MPI: variants seen among roughly 807,000 people sequenced by gnomAD.
The protein encoded by MPI is mannose-6-phosphate isomerase.
A neutral mutation model predicts 40.1 loss-of-function variants in MPI; 33 were observed. The ratio of observed to expected loss-of-function variants is 0.82; its 90% confidence interval spans 0.62 to 1.10. MPI has a LOEUF of 1.10. MPI is among the 50% of genes least tolerant of loss of function. The pLI, the probability that MPI is intolerant of heterozygous loss-of-function variation, is 0.00. For missense variants in MPI, 514 were observed against 524.1 expected, an observed-to-expected ratio of 0.98 and a Z score of 0.19; for synonymous variants, 187 against 207.4, an observed-to-expected ratio of 0.90 and a Z score of 0.85.
At position 74,897,088 on chromosome 15, in the gene MPI, C is replaced by G; in HGVS notation, c.922C>G (p.Leu308Val). The G allele has an allele frequency of 6.2e-7, 1 of 1,614,164 alleles. No homozygotes were observed. Among genetic ancestry groups the G allele is most frequent in the South Asian group, 1.1e-5 (1 of 91,084 alleles). ...LTPKFIDVPTLCEMLSYTPSS... is the reference protein window; with the variant it reads ...LTPKFIDVPTVCEMLSYTPSS... Reference sequence around the variant, plus strand: ...ACCCAAGTTCATTGATGTGCCAACCCTGTGTGAAATGCTCAGCTATACCCC... The same window carrying G: ...ACCCAAGTTCATTGATGTGCCAACCGTGTGTGAAATGCTCAGCTATACCCC... Residue 308 changes from leucine to valine, a missense_variant, in exon 7 of 8, where the codon CTG becomes GTG. Physicochemically the swap from Leu to Val is conservative, Grantham distance 32. Coordinates refer to ENST00000352410, the MANE Select transcript of MPI (RefSeq NM_002435.3).
rs1227320361 is a variant in MPI, at chr15:74,897,983, A to C, written c.*253A>C. 3.7e-6 allele frequency: 2 copies of C among 547,450 alleles called. No homozygotes were observed. The highest frequency in any genetic ancestry group is 6.7e-6 in the Non-Finnish European group (2 of 298,798). The allele number at this position is 547,450 out of a possible 1,614,324, so 33.9% of individuals were successfully genotyped here. ...GTCTTCCCTCTCTACTCCTCGCTAC[A>C]CCTGAGCCAGGCTCTTGCCAACTCT... is the stretch of plus-strand genomic sequence containing the variant. On this transcript the variant is annotated 3_prime_UTR_variant, in exon 8 of 8. Coordinates refer to ENST00000352410, the MANE Select transcript of MPI (RefSeq NM_002435.3).
At position 74,898,308 on chromosome 15, in the gene MPI, C is replaced by G. The variant is rs1211337207; in HGVS notation, c.*578C>G. 2 of 181,786 alleles carry G rather than the reference C, an allele frequency of 1.1e-5. No homozygotes were observed. The highest frequency in any genetic ancestry group is 1.1e-4 in the Admixed American group (2 of 18,750). 11.3% of individuals were successfully genotyped at this position (181,786 alleles called of 1,614,324 possible). Reference sequence around the variant, plus strand: ...AAAGAGCCCTCCCTACATGATGCCCCAGTTTTTGCTTTATTCCTATTTCAT... The same window carrying G: ...AAAGAGCCCTCCCTACATGATGCCCGAGTTTTTGCTTTATTCCTATTTCAT... On this transcript the variant is annotated 3_prime_UTR_variant, in exon 8 of 8. Coordinates refer to ENST00000352410, the MANE Select transcript of MPI (RefSeq NM_002435.3).
chr15:74,896,026 C>T lies in MPI; in HGVS notation c.671-126C>T, dbSNP rs570363256. 9 of 1,123,300 alleles carry T rather than the reference C, an allele frequency of 8.0e-6. No homozygotes were observed. The African/African-American group carries it at 1.1e-4, about 13-fold the overall frequency. The allele number at this position is 1,123,300 out of a possible 1,614,324, so 69.6% of individuals were successfully genotyped here. Reference sequence around the variant, plus strand: ...AGGGCTGGAGGCGTGGCCAGAAGGACAGGGCCACTTTGGCTTCTGGATTCC... The same window carrying T: ...AGGGCTGGAGGCGTGGCCAGAAGGATAGGGCCACTTTGGCTTCTGGATTCC... On this transcript the variant is annotated intron_variant, in intron 5 of 7. Coordinates refer to ENST00000352410, the MANE Select transcript of MPI (RefSeq NM_002435.3).
In MPI at chr15:74,893,284, C is replaced by T. The variant is rs775284878; in HGVS notation, c.634C>T (p.Gln212Ter). 1.2e-6 allele frequency: 2 copies of T among 1,614,218 alleles called. No homozygotes were observed. Among genetic ancestry groups the T allele is most frequent in the Non-Finnish European group, 1.7e-6 (2 of 1,180,038 alleles). ...GAGTGAGAAGAAGGTGGTGGTGGAA[C>T]AGCTCAACCTGTTGGTGAAGCGGAT... ...MKSEKKVVVE[Q>*]LNLLVKRISQ... The change falls in exon 5 of 8, where the codon CAG (glutamine) becomes TAG (stop). Residue 212 changes from glutamine to a stop codon, truncating the protein, a stop_gained. Transcript: ENST00000352410. LOFTEE classifies it high-confidence loss of function.
At position 74,892,675 on chromosome 15, in the gene MPI, G is replaced by A; in HGVS notation, c.360G>A (p.Lys120=). ...CCACCCCACAGGAGCTGGCAGAGAA[G>A]CTGCACCTCCAGGCTCCGCAGCACT... ...QAHPNKELAE[K]LHLQAPQHYP... is the part of the protein sequence containing the mutation. The change falls in exon 4 of 8, where the codon AAG becomes AAA. Residue 120 remains lysine (K), a synonymous_variant. Transcript: ENST00000352410. 1 of 1,614,206 alleles carries A rather than the reference G, an allele frequency of 6.2e-7. No homozygotes were observed. Among genetic ancestry groups the A allele is most frequent in the East Asian group, 2.2e-5 (1 of 44,890 alleles).
Position 74,900,869 on chromosome 15 carries a change from C to T in MPI, c.*3139C>T, listed in dbSNP as rs549477047. Reference sequence around the variant, plus strand: ...CAGCCCCCAGATACTGTATATTCCTCTCAACCTTCCATGGTTTGAGAAAAA... The same window carrying T: ...CAGCCCCCAGATACTGTATATTCCTTTCAACCTTCCATGGTTTGAGAAAAA... On this transcript the variant is annotated 3_prime_UTR_variant, in exon 8 of 8. Transcript: ENST00000352410. The T allele has an allele frequency of 1.3e-5, 2 of 152,360 alleles. No individual in the cohort carries two copies. Among genetic ancestry groups the T allele is most frequent in the Admixed American group, 1.3e-4 (2 of 15,304 alleles). 9.4% of individuals were successfully genotyped at this position (152,360 alleles called of 1,614,324 possible). A position where few individuals can be genotyped will look rare whatever the true frequency, so the allele number is the denominator to read the frequency against.
At chr15:74,896,125 G>A in intron 5 of MPI, 27 bp from the exon 6 acceptor site, 3 of 1,613,116 alleles carry the variant, frequency 1.9e-6, no homozygotes, top group Non-Finnish European at 2.5e-6. Flanking sequence ...CCCCCTAAGT[G>A]ACCTTGGGGT....
In MPI at chr15:74,891,478, T is replaced by C. The variant is rs1360638113; in HGVS notation, c.244T>C (p.Leu82=). ...SQWIAENQDS[L]GSKVKDTFNG... The stretch of plus-strand genomic sequence containing the variant: ...GTGGATTGCTGAGAACCAGGACAGC[T>C]TGGGCTCAAAGGTCAAGGACACCTT... The change falls in exon 3 of 8, where the codon TTG becomes CTG. Residue 82 remains leucine, a synonymous_variant. Transcript: ENST00000352410. The C allele has an allele frequency of 5.0e-6, 8 of 1,614,096 alleles. No homozygotes were observed. The highest frequency in any genetic ancestry group is 6.8e-6 in the Non-Finnish European group (8 of 1,180,040).
chr15:74,900,397 GGTT>G lies in MPI; in HGVS notation c.*2668_*2670del, dbSNP rs1301638570. On this transcript the variant is annotated 3_prime_UTR_variant, in exon 8 of 8. Transcript: ENST00000352410. ...TTACAACAACGATGCAGAGGGCCTT[GGTT>G]TTGGGGTCCTGCCACCCTCACCCCT... 1 of 152,228 alleles carries G rather than the reference GGTT, an allele frequency of 6.6e-6. No homozygotes were observed. Among genetic ancestry groups the G allele is most frequent in the Non-Finnish European group, 1.5e-5 (1 of 68,104 alleles). The allele number at this position is 152,228 out of a possible 1,614,324, so 9.4% of individuals were successfully genotyped here.
intron 5 of MPI, among the ~76,000 whole-genome samples, chr15:74,895,218 G>A (rs1475752087): frequency 2.1e-5 from 3 of 146,312 alleles, no homozygotes; most frequent in Non-Finnish European, 3.0e-5. Context: ...CTCGTGATCC[G>A]CCTGCCTTGG....
chr15:74,895,266 C>G (rs1463401390), intron 5 of MPI, among the ~76,000 whole-genome samples: 4 of 150,814 alleles, frequency 2.7e-5, no homozygotes. Flanking sequence ...TGAGCCACCG[C>G]GCCCAGCTGA....
chr15:74,893,700 G>A (rs114975379), intron 5 of MPI: 5,707 of 558,360 alleles, frequency 0.01, 224 homozygotes, highest in Admixed American at 0.072. Flanking sequence ...TCCTGGAAAG[G>A]ACTGATGCCT....
chr15:74,895,674 A>C (rs567936091), intron 5 of MPI: 65 of 160,134 alleles, frequency 4.1e-4, no homozygotes, highest in African/African-American at 1.0e-3. Context: ...TTGAGCTCCA[A>C]GGGCAGTGGT....
chr15:74,895,119 C>T (rs2064798156), intron 5 of MPI, among the ~76,000 whole-genome samples: 1 of 146,088 alleles, frequency 6.8e-6, no homozygotes. Context: ...GCACGTGCCA[C>T]CACACCTGGC....
rs1330521311 is a variant in MPI, at chr15:74,899,017, C to T, written c.*1287C>T. Reference sequence around the variant, plus strand: ...AACTGAAACCATTGACTGTCAACCACTTCTCTACAACATACTCAACTGTTG... The same window carrying T: ...AACTGAAACCATTGACTGTCAACCATTTCTCTACAACATACTCAACTGTTG... On this transcript the variant is annotated 3_prime_UTR_variant, in exon 8 of 8. Coordinates refer to ENST00000352410, the MANE Select transcript of MPI (RefSeq NM_002435.3). The T allele has an allele frequency of 6.6e-6, 1 of 152,270 alleles. No homozygotes were observed. The highest frequency in any genetic ancestry group is 1.5e-5 in the Non-Finnish European group (1 of 68,072). The allele number at this position is 152,270 out of a possible 1,614,324, so 9.4% of individuals were successfully genotyped here. A position where few individuals can be genotyped will look rare whatever the true frequency, so the allele number is the denominator to read the frequency against.
rs750510350 is a variant in MPI at position 74,891,404 on chromosome 15, G to T, written c.170G>T (p.Gly57Val). The T allele has an allele frequency of 2.7e-5, 44 of 1,614,044 alleles. 1 individual carries two copies. The highest frequency in any genetic ancestry group is 3.3e-5 in the Non-Finnish European group (39 of 1,180,046). Residue 57 changes from glycine (G) to valine (V), a missense_variant, in exon 3 of 8, where the codon GGG becomes GTG. Gly to Val is a moderately radical substitution (Grantham distance 109). Coordinates refer to ENST00000352410, the MANE Select transcript of MPI (RefSeq NM_002435.3). ...TTGTGGATGGGGACTCACCCCCGAGGGGATGCCAAGATCCTTGACAACCGC... is the reference window on the plus strand; with the variant it reads ...TTGTGGATGGGGACTCACCCCCGAGTGGATGCCAAGATCCTTGACAACCGC... ...AELWMGTHPR[G>V]DAKILDNRIS...
intron 3 of MPI, 36 bp from the exon 4 acceptor site, chr15:74,892,625 C>A: frequency 1.2e-6 from 2 of 1,612,986 alleles, no homozygotes; most frequent in South Asian, 1.1e-5. Context: ...ATGGCTGTAC[C>A]CTCACCATCC....
Position 74,890,172 on chromosome 15 carries a change from G to T in MPI, c.16+83G>T, listed in dbSNP as rs1389742925. The T allele has an allele frequency of 1.9e-6, 3 of 1,574,144 alleles. No individual in the cohort carries two copies. In the African/African-American group the frequency reaches 4.0e-5, roughly 21 times the overall value. ...CTCCCGGCATTATCGGCCAGGTTGA[G>T]TCCGCTCCTGGCATTCCGCGGAAAG... On this transcript the variant is annotated intron_variant, in intron 1 of 7. Transcript: ENST00000352410.
Position 74,891,498 on chromosome 15 carries a change from C to T in MPI, c.264C>T (p.Asp88=), listed in dbSNP as rs529795568. The change falls in exon 3 of 8, where the codon GAC becomes GAT. Residue 88 remains aspartate (D), a synonymous_variant. Coordinates refer to ENST00000352410, the MANE Select transcript of MPI (RefSeq NM_002435.3). ...ACAGCTTGGGCTCAAAGGTCAAGGA[C>T]ACCTTTAATGGCAACCTGCCCTTCC... is the stretch of plus-strand genomic sequence containing the variant. ...NQDSLGSKVK[D]TFNGNLPFLF... 2 of 1,614,112 alleles carry T rather than the reference C, an allele frequency of 1.2e-6. No individual in the cohort carries two copies. The highest frequency in any genetic ancestry group is 1.1e-5 in the South Asian group (1 of 91,090).
Sources: allele counts gnomAD v4.1 joint callset (sites outside exome capture counted in the v4.1 genomes callset), GRCh38; gene constraint gnomAD v4.1.1; transcripts MANE v1.5; gene names NCBI Gene and HGNC (gene_info 2026-07-23, HGNC 2026-07-21).